Variants in SOX6 observed in about 807,000 individuals in gnomAD.
SOX6 encodes SRY-box transcription factor 6.
Under a neutral mutation model 97.8 loss-of-function variants are expected in SOX6, and 11 were observed. That is an observed-to-expected ratio of 0.11 (90% CI 0.07 to 0.19). The LOEUF is 0.19. SOX6 is among the 10% of genes least tolerant of loss of function. SOX6 has a pLI of 1.00. For synonymous variants in SOX6, 360 were observed against 371.4 expected, an observed-to-expected ratio of 0.97 and a Z score of 0.35; for missense variants, 810 against 1,039.5, an observed-to-expected ratio of 0.78 and a Z score of 3.04.
chr11:16,103,500 C>T (rs1849000842), intron 7 of SOX6, among the ~76,000 whole-genome samples: 1 of 151,920 alleles, frequency 6.6e-6, no homozygotes, highest in Non-Finnish European at 1.5e-5. Flanking sequence ...CTGTTTGATC[C>T]AGCAATCCCA....
At chr11:16,440,748 C>T (rs1859489524) in intron 1 of SOX6, among the ~76,000 whole-genome samples, 1 of 151,976 alleles carries the variant, frequency 6.6e-6, no homozygotes, top group Non-Finnish European at 1.5e-5. Context: ...TCACTTTGGG[C>T]AATTTTCTTG....
At chr11:16,340,868 A>G in intron 2 of SOX6, 144 bp downstream of exon 2, 4 of 1,143,828 alleles carry the variant, frequency 3.5e-6, no homozygotes, top group Admixed American at 2.2e-5. Context: ...AGTTATTAGT[A>G]TCTTAGTAAT....
intron 4 of SOX6, among the ~76,000 whole-genome samples, chr11:16,510,889 G>A (rs1860871044): frequency 6.6e-6 from 1 of 151,936 alleles, no homozygotes; most frequent in African/African-American, 2.4e-5. Flanking sequence ...GGGTGATAGA[G>A]GAGAGCAACC....
At chr11:16,234,718 AT>A in intron 3 of SOX6, 47 bp from the exon 4 acceptor site, 2 of 1,140,906 alleles carry the variant, frequency 1.8e-6, no homozygotes, top group Non-Finnish European at 2.5e-6. Context: ...TTTATTACAA[AT>A]TTAGAAAGTC....
At chr11:16,736,332 T>C (rs1848391251) in intron 2 of SOX6, 1 of 152,224 alleles carries the variant, frequency 6.6e-6, no homozygotes, top group African/African-American at 2.4e-5. Flanking sequence ...TATAATTTCA[T>C]CCTTACCTAT....
At chr11:16,339,375 G>C (rs1029526331) in intron 2 of SOX6, among the ~76,000 whole-genome samples, 3 of 151,840 alleles carry the variant, frequency 2.0e-5, no homozygotes, top group Non-Finnish European at 4.4e-5. Flanking sequence ...CTCCAGCGAC[G>C]AAGGCCATCT....
intron 1 of SOX6, among the ~76,000 whole-genome samples, chr11:16,376,010 A>G (rs1857632856): frequency 6.6e-6 from 1 of 152,048 alleles, no homozygotes; most frequent in South Asian, 2.1e-4. Flanking sequence ...GGGAAACATC[A>G]CACAATGGGG....
chr11:16,715,545 C>G (rs1379879674), intron 2 of SOX6, among the ~76,000 whole-genome samples: 2 of 150,888 alleles, frequency 1.3e-5, no homozygotes, highest in African/African-American at 4.9e-5. Context: ...GAAGCAAGGT[C>G]CTTAATGAAA....
chr11:16,613,829 T>C lies in SOX6; in HGVS notation n.430-1569A>G, dbSNP rs1422671810. ...TGTTTACGTGCCTAAGTCGCCACCT[T>C]GAGGTCGAGGGGAAGACTGCGCCCA... On this transcript the variant is annotated intron_variant and non_coding_transcript_variant, in intron 3 of 5. Coordinates refer to the SOX6 transcript ENST00000524520. The surrounding 1 kb of genome is among the most constrained non-coding windows in gnomAD (Gnocchi z 4.6). 6.6e-6 allele frequency among the ~76,000 whole-genome samples: 1 copy of C among 152,080 alleles called. No individual in the cohort carries two copies. The highest frequency in any genetic ancestry group is 1.5e-5 in the Non-Finnish European group (1 of 68,018).
At chr11:15,979,114 G>A (rs1460128005) in intron 15 of SOX6, among the ~76,000 whole-genome samples, 6 of 141,300 alleles carry the variant, frequency 4.2e-5, no homozygotes, top group Non-Finnish European at 9.1e-5. Context: ...AACCTCATAG[G>A]TGCAGAACTT....
intron 4 of SOX6, chr11:16,484,581 C>A: frequency 1.4e-6 from 1 of 738,950 alleles, no homozygotes; most frequent in South Asian, 1.4e-5. Flanking sequence ...ACCTTCACAG[C>A]CTCAGTCACC....
At chr11:16,367,551 A>G (rs1229766114) in intron 1 of SOX6, among the ~76,000 whole-genome samples, 1 of 152,174 alleles carries the variant, frequency 6.6e-6, no homozygotes, top group Non-Finnish European at 1.5e-5. Flanking sequence ...CACAGTATGA[A>G]GCAAAAGGAA....
chr11:16,033,087 A>G (rs1363312620), intron 12 of SOX6, among the ~76,000 whole-genome samples: 1 of 152,156 alleles, frequency 6.6e-6, no homozygotes, highest in Non-Finnish European at 1.5e-5. Context: ...ACTCTCCTGT[A>G]GGTCAGAAAG....
intron 4 of SOX6, among the ~76,000 whole-genome samples, chr11:16,583,619 A>ATATATATATATG (rs1169134041): frequency 9.4e-5 from 7 of 74,558 alleles, no homozygotes; most frequent in African/African-American, 4.3e-4. Context: ...ATATACATAT[A>ATATATATATATG]TATATATATA....
chr11:16,000,738 G>A (rs56968647), intron 13 of SOX6, among the ~76,000 whole-genome samples: 13,618 of 151,132 alleles, frequency 0.09, 1,241 homozygotes, highest in East Asian at 0.35. Context: ...GTGCGCGCGT[G>A]CGCGTGTGTG....
chr11:16,301,887 C>A (rs1164762365), intron 3 of SOX6, among the ~76,000 whole-genome samples: 1 of 152,130 alleles, frequency 6.6e-6, no homozygotes, highest in East Asian at 1.9e-4. Flanking sequence ...ATGTATTCCA[C>A]CTTCATGGAA....
chr11:16,721,408 G>A (rs991531152), intron 2 of SOX6, among the ~76,000 whole-genome samples: 20 of 152,072 alleles, frequency 1.3e-4, no homozygotes, highest in African/African-American at 3.1e-4. Context: ...AAACTTGAGC[G>A]CTGATGGATC....
chr11:16,036,375 G>A (rs1032878839), intron 12 of SOX6, among the ~76,000 whole-genome samples: 6 of 152,084 alleles, frequency 3.9e-5, no homozygotes, highest in South Asian at 2.1e-4. Flanking sequence ...CACTGCACCC[G>A]GCCTGATTCA....
chr11:16,595,630 C>G (rs1293091995), intron 4 of SOX6, among the ~76,000 whole-genome samples: 2 of 150,260 alleles, frequency 1.3e-5, no homozygotes, highest in Non-Finnish European at 3.0e-5. Context: ...AAAAAATTAG[C>G]CAGGCATGGT....
Sources: allele counts gnomAD v4.1 joint callset (sites outside exome capture counted in the v4.1 genomes callset), GRCh38; gene constraint gnomAD v4.1.1; non-coding constraint Gnocchi (gnomAD v3.1); transcripts MANE v1.5; gene names NCBI Gene and HGNC (gene_info 2026-07-23, HGNC 2026-07-21).